STRN: variants seen among roughly 807,000 people sequenced by gnomAD.
STRN encodes protein phosphatase 2 regulatory subunit B'''alpha.
STRN carries 53 observed loss-of-function variants against 96.3 expected under a neutral mutation model. That is an observed-to-expected ratio of 0.55 (90% CI 0.44 to 0.69). The LOEUF (loss-of-function observed/expected upper bound fraction) is 0.69. STRN is among the 30% of genes least tolerant of loss of function. The pLI, the probability that STRN is intolerant of heterozygous loss-of-function variation, is 0.00. For missense variants in STRN, 987 were observed against 963.9 expected (o/e 1.02, Z -0.32); for synonymous variants, 428 against 355.9 (o/e 1.20, Z -2.28).
At chr2:36,915,935 A>C in intron 3 of STRN, 143 bp downstream of exon 3, 2 of 686,324 alleles carry the variant, frequency 2.9e-6, no homozygotes, top group Admixed American at 5.3e-5. Flanking sequence ...AAATGACACT[A>C]AATGGTGCCA....
intron 15 of STRN, 83 bp from the exon 16 acceptor site, chr2:36,851,190 G>C (rs1572620678): frequency 1.6e-6 from 2 of 1,282,076 alleles, no homozygotes; most frequent in East Asian, 4.9e-5. Flanking sequence ...CTATCTAAGA[G>C]ACTGAAAAAG....
chr2:36,932,723 T>C (rs1236184504), intron 1 of STRN, among the ~76,000 whole-genome samples: 1 of 152,136 alleles, frequency 6.6e-6, no homozygotes, highest in Non-Finnish European at 1.5e-5. Flanking sequence ...CTAGATAACA[T>C]TTTACCTCTG....
Position 36,950,915 on chromosome 2 carries a change from T to A in STRN, c.234+15315A>T, listed in dbSNP as rs141985396. ...GTGTTTCAGTGTAAGTTCCAGATAA[T>A]TGAGGCATTTATATTATTTATTTTA... On this transcript the variant is annotated intron_variant, in intron 1 of 17. Coordinates refer to ENST00000263918, the MANE Select transcript of STRN (RefSeq NM_003162.4). 5.3e-4 allele frequency among the ~76,000 whole-genome samples: 81 copies of A among 152,278 alleles called. 1 individual carries two copies. The highest frequency in any genetic ancestry group is 1.8e-3 in the African/African-American group (74 of 41,538).
chr2:36,877,824 C>G, intron 10 of STRN, 67 bp downstream of exon 10: 1 of 1,580,950 alleles, frequency 6.3e-7, no homozygotes, highest in Non-Finnish European at 8.6e-7. Flanking sequence ...CGTGAGCCAC[C>G]GCACCCAGCC....
intron 6 of STRN, among the ~76,000 whole-genome samples, chr2:36,896,943 G>A (rs532020713): frequency 2.4e-4 from 36 of 152,062 alleles, no homozygotes; most frequent in Non-Finnish European, 4.0e-4. Flanking sequence ...CAAGGCAGGC[G>A]GATCACCTGA....
chr2:36,871,096 T>C (rs970859722), intron 10 of STRN, among the ~76,000 whole-genome samples: 1 of 152,224 alleles, frequency 6.6e-6, no homozygotes, highest in Non-Finnish European at 1.5e-5. Flanking sequence ...TGTCAAAATG[T>C]TTTTAAAAAT....
Position 36,884,012 on chromosome 2 carries a change from G to A in STRN, c.1106C>T (p.Ser369Leu). The change falls in exon 9 of 18, where the codon TCA becomes TTA. Residue 369 changes from serine (S) to leucine (L), a missense_variant. By Grantham distance (145) the Ser-to-Leu change is moderately radical (BLOSUM62 -2). Coordinates refer to ENST00000263918, the MANE Select transcript of STRN (RefSeq NM_003162.4). The stretch of plus-strand genomic sequence containing the variant: ...AGGTGAACCCACAGATGGCTGCAAT[G>A]AAGGAAGTTCATCAACATCTCTCAA... ...ANLRDVDELP[S>L]LQPSVGSPSR... The A allele has an allele frequency of 1.4e-6, 2 of 1,441,822 alleles. No homozygotes were observed. Among genetic ancestry groups the A allele is most frequent in the Non-Finnish European group, 1.8e-6 (2 of 1,091,326 alleles). The allele number at this position is 1,441,822 out of a possible 1,614,324, so 89.3% of individuals were successfully genotyped here.
At chr2:36,905,492 C>G in intron 4 of STRN, 48 bp downstream of exon 4, 2 of 1,518,822 alleles carry the variant, frequency 1.3e-6, no homozygotes, top group Non-Finnish European at 1.8e-6. Context: ...CTTCATAAAA[C>G]TGTTTCTTGT....
At chr2:36,966,074 G>C (rs905526446) in intron 1 of STRN, among the ~76,000 whole-genome samples, 156 bp downstream of exon 1, 1 of 151,386 alleles carries the variant, frequency 6.6e-6, no homozygotes, top group East Asian at 2.0e-4. Context: ...AAAGGCAAAA[G>C]GCGAAGAGAA....
chr2:36,886,607 G>C, intron 8 of STRN, 109 bp downstream of exon 8: 8 of 793,372 alleles, frequency 1.0e-5, no homozygotes, highest in African/African-American at 1.8e-5. Flanking sequence ...AAGAGGTCAG[G>C]AGCAGAAATG....
chr2:36,897,072 C>CA (rs1669560644), intron 6 of STRN, among the ~76,000 whole-genome samples: 1 of 151,772 alleles, frequency 6.6e-6, no homozygotes, highest in African/African-American at 2.4e-5. Context: ...GAGGCTGAGA[C>CA]AGGAGAATTG....
chr2:36,961,006 C>T (rs1390673045), intron 1 of STRN, among the ~76,000 whole-genome samples: 3 of 151,972 alleles, frequency 2.0e-5, no homozygotes, highest in Admixed American at 6.6e-5. Flanking sequence ...AAGCAATCCT[C>T]CCATCTCAGC....
chr2:36,936,410 G>A (rs1182022213), intron 1 of STRN, among the ~76,000 whole-genome samples: 2 of 152,180 alleles, frequency 1.3e-5, no homozygotes, highest in Non-Finnish European at 2.9e-5. Flanking sequence ...ATACAACTAT[G>A]TGGAATTAAG....
intron 1 of STRN, among the ~76,000 whole-genome samples, chr2:36,933,664 G>A (rs1300045178): frequency 6.6e-6 from 1 of 152,106 alleles, no homozygotes; most frequent in East Asian, 1.9e-4. Flanking sequence ...GAGTGCAATG[G>A]CACGATCACA....
Position 36,930,099 on chromosome 2 carries a change from G to A in STRN, c.235-4891C>T, listed in dbSNP as rs1670532030. ...AAATCTAGGCTGCTAGTTTTCTCTGGCACATAATCACTGCCTGTAGCCCTC... is the reference window on the plus strand; with the variant it reads ...AAATCTAGGCTGCTAGTTTTCTCTGACACATAATCACTGCCTGTAGCCCTC... On this transcript the variant is annotated intron_variant, in intron 1 of 17. Coordinates refer to ENST00000263918, the MANE Select transcript of STRN (RefSeq NM_003162.4). Among the ~76,000 whole-genome samples, 4 of 152,134 alleles carry A rather than the reference G, an allele frequency of 2.6e-5. No individual in the cohort carries two copies. In the South Asian group the frequency reaches 6.2e-4, roughly 24 times the overall value.
In STRN at chr2:36,894,122, T is replaced by C. The variant is rs941649908; in HGVS notation, c.796-89A>G. On this transcript the variant is annotated intron_variant, in intron 6 of 17. Coordinates refer to ENST00000263918, the MANE Select transcript of STRN (RefSeq NM_003162.4). ...ATTCAATTATTTTCTTCAGAAAGTATACGTTTGTTGTGTTAAATAACTGTA... is the reference window on the plus strand; with the variant it reads ...ATTCAATTATTTTCTTCAGAAAGTACACGTTTGTTGTGTTAAATAACTGTA... The C allele has an allele frequency of 1.4e-5, 21 of 1,468,196 alleles. 1 individual carries two copies. Among genetic ancestry groups the C allele is most frequent in the Non-Finnish European group, 1.8e-5 (20 of 1,097,156 alleles). 90.9% of individuals were successfully genotyped at this position (1,468,196 alleles called of 1,614,324 possible). A position where few individuals can be genotyped will look rare whatever the true frequency, so the allele number is the denominator to read the frequency against.
chr2:36,938,715 T>C (rs1337933569), intron 1 of STRN, among the ~76,000 whole-genome samples: 1 of 152,244 alleles, frequency 6.6e-6, no homozygotes, highest in Non-Finnish European at 1.5e-5. Context: ...ATCTTTTAAC[T>C]ATTGTCCTAT....
intron 1 of STRN, among the ~76,000 whole-genome samples, chr2:36,927,389 G>T (rs1288984188): frequency 1.8e-4 from 28 of 151,622 alleles, no homozygotes; most frequent in African/African-American, 6.8e-4. Context: ...TGTGTCTGTG[G>T]TCCCAGCTAC....
Position 36,869,680 on chromosome 2 carries a change from G to T in STRN, c.1373C>A (p.Thr458Lys), listed in dbSNP as rs1486794295. 6.2e-7 allele frequency: 1 copy of T among 1,611,466 alleles called. No individual in the cohort carries two copies. Among genetic ancestry groups the T allele is most frequent in the South Asian group, 1.1e-5 (1 of 90,600 alleles). Residue 458 changes from threonine to lysine, a missense_variant, in exon 11 of 18, where the codon ACA becomes AAA. By Grantham distance (78) the Thr-to-Lys change is moderately conservative. Coordinates refer to ENST00000263918, the MANE Select transcript of STRN (RefSeq NM_003162.4). ...GATGCCATCAAAGTGACTTCTCAAT[G>T]TAAACTTAGGGTTCCATGTCTTCCT... is the stretch of plus-strand genomic sequence containing the variant. ...ALRKTWNPKFTLRSHFDGIRA... is the reference protein window; with the variant it reads ...ALRKTWNPKFKLRSHFDGIRA...
Sources: allele counts gnomAD v4.1 joint callset (sites outside exome capture counted in the v4.1 genomes callset), GRCh38; gene constraint gnomAD v4.1.1; transcripts MANE v1.5; gene names NCBI Gene and HGNC (gene_info 2026-07-23, HGNC 2026-07-21).